AGBL4: variants seen among roughly 807,000 people sequenced by gnomAD.
The protein encoded by AGBL4 is cytosolic carboxypeptidase 6.
AGBL4 carries 58 observed loss-of-function variants against 66.4 expected under a neutral mutation model. That is an observed-to-expected ratio of 0.87 (90% CI 0.71 to 1.09). The LOEUF is 1.09. AGBL4 is among the 50% of genes least tolerant of loss of function. The probability of loss-of-function intolerance (pLI) is 0.00; values close to 1 mark genes in which losing one functional copy is unlikely to be tolerated. For synonymous variants in AGBL4, 234 were observed against 222.9 expected (o/e 1.05, Z -0.44); for missense variants, 579 against 631.0 (o/e 0.92, Z 0.88).
chr1:49,739,656 G>C (rs1018866890), intron 2 of AGBL4, among the ~76,000 whole-genome samples: 1 of 152,098 alleles, frequency 6.6e-6, no homozygotes, highest in Non-Finnish European at 1.5e-5. Flanking sequence ...CAGAGAGAAA[G>C]GTTGGGTTAC....
intron 3 of AGBL4, among the ~76,000 whole-genome samples, chr1:49,657,863 TG>T (rs1184802327): frequency 2.0e-5 from 3 of 152,056 alleles, no homozygotes; most frequent in African/African-American, 7.2e-5. Flanking sequence ...TAATTCAAGA[TG>T]GATTAAAGAC....
At chr1:49,160,382 A>G (rs1569878501) in intron 4 of AGBL4, among the ~76,000 whole-genome samples, 1 of 152,100 alleles carries the variant, frequency 6.6e-6, no homozygotes, top group African/African-American at 2.4e-5. Flanking sequence ...GCCTGGATAT[A>G]ATCAGCAGAG....
intron 3 of AGBL4, among the ~76,000 whole-genome samples, chr1:49,331,134 A>G (rs992585165): frequency 3.9e-5 from 6 of 151,902 alleles, no homozygotes; most frequent in Admixed American, 3.9e-4. Flanking sequence ...GAGTCTCGGC[A>G]GAGCTGCTGC....
At chr1:49,048,883 A>G (rs866924936) in intron 4 of AGBL4, among the ~76,000 whole-genome samples, 2 of 151,974 alleles carry the variant, frequency 1.3e-5, no homozygotes, top group Non-Finnish European at 1.5e-5. Context: ...GTGTGGCTCA[A>G]AAGCCTGTAT....
intron 6 of AGBL4, among the ~76,000 whole-genome samples, chr1:48,861,152 A>T (rs918199979): frequency 2.6e-5 from 4 of 152,204 alleles, no homozygotes; most frequent in Admixed American, 1.3e-4. Context: ...TCTAGACTAG[A>T]CATGGTCAAA....
intron 2 of AGBL4, among the ~76,000 whole-genome samples, chr1:49,811,840 G>C (rs1383463969): frequency 6.6e-6 from 1 of 152,022 alleles, no homozygotes; most frequent in African/African-American, 2.4e-5. Flanking sequence ...GAGAACCAAG[G>C]TCCACAAAAC....
chr1:48,535,596 T>C (rs1184580071), intron 12 of AGBL4, among the ~76,000 whole-genome samples: 1 of 152,228 alleles, frequency 6.6e-6, no homozygotes, highest in East Asian at 1.9e-4. Flanking sequence ...CGTTCTGGCC[T>C]TGTCACTGCC....
chr1:48,571,562 C>T (rs985392312), intron 11 of AGBL4, among the ~76,000 whole-genome samples: 4 of 152,234 alleles, frequency 2.6e-5, no homozygotes, highest in Admixed American at 2.6e-4. Context: ...TGAAGGAATG[C>T]TCTTGAAGCC....
At chr1:49,222,858 T>C (rs1314853397) in intron 4 of AGBL4, among the ~76,000 whole-genome samples, 1 of 152,194 alleles carries the variant, frequency 6.6e-6, no homozygotes, top group East Asian at 1.9e-4. Context: ...ACCCAGAGCA[T>C]AGTTTTTGGC....
At chr1:49,005,268 T>C (rs1325724244) in intron 5 of AGBL4, among the ~76,000 whole-genome samples, 2 of 152,232 alleles carry the variant, frequency 1.3e-5, no homozygotes, top group South Asian at 2.1e-4. Context: ...TCCCTACTTA[T>C]CCATTTTCAT....
chr1:49,600,395 G>A (rs570369286), intron 3 of AGBL4, among the ~76,000 whole-genome samples: 27 of 152,058 alleles, frequency 1.8e-4, no homozygotes, highest in African/African-American at 6.5e-4. Context: ...GATCTTTGTT[G>A]GTTTAAAGTC....
chr1:49,179,741 TAGTA>T lies in AGBL4; in HGVS notation c.377+66025_377+66028del, dbSNP rs775048090. Reference sequence around the variant, plus strand: ...AAGGCATAATGTGATATCTCTGTCTTAGTAAGAGAACAGATGTAGTAGTTATGAA... The same window carrying T: ...AAGGCATAATGTGATATCTCTGTCTTAGAGAACAGATGTAGTAGTTATGAA... On this transcript the variant is annotated intron_variant, in intron 4 of 13. Transcript: ENST00000371839. Among the ~76,000 whole-genome samples the T allele has an allele frequency of 1.2e-4, 19 of 152,114 alleles. No homozygotes were observed. The South Asian group carries it at 1.7e-3, about 13-fold the overall frequency.
intron 6 of AGBL4, among the ~76,000 whole-genome samples, chr1:48,665,081 G>A (rs1646165151): frequency 6.6e-6 from 1 of 152,166 alleles, no homozygotes; most frequent in Admixed American, 6.5e-5. Context: ...GGTTCTAAAG[G>A]CTTGGGACTT....
At chr1:49,388,352 A>G (rs533981141) in intron 3 of AGBL4, among the ~76,000 whole-genome samples, 1 of 152,218 alleles carries the variant, frequency 6.6e-6, no homozygotes, top group Admixed American at 6.5e-5. Context: ...TTGTTGTGTT[A>G]AAATATAACT....
In AGBL4 at chr1:48,725,884, T is replaced by C. The variant is rs112127360; in HGVS notation, c.635-62643A>G. The stretch of plus-strand genomic sequence containing the variant: ...ATTGGCTCTTACAAGCATGATTCCT[T>C]GTTGCATCTACTTCTGATTTCATTC... On this transcript the variant is annotated intron_variant, in intron 6 of 13. Transcript: ENST00000371839. Among the ~76,000 whole-genome samples the C allele has an allele frequency of 6.1e-3, 925 of 152,314 alleles. 13 individuals carry two copies. The highest frequency in any genetic ancestry group is 0.021 in the African/African-American group (884 of 41,568).
chr1:49,390,549 C>A (rs1438752605), intron 3 of AGBL4, among the ~76,000 whole-genome samples: 2 of 152,206 alleles, frequency 1.3e-5, no homozygotes, highest in African/African-American at 2.4e-5. Context: ...CATTGCTTTT[C>A]ACAAGCATAA....
In AGBL4 at chr1:49,615,191, T is replaced by C. The variant is rs143166760; in HGVS notation, c.282+82122A>G. On this transcript the variant is annotated intron_variant, in intron 3 of 13. Coordinates refer to ENST00000371839, the MANE Select transcript of AGBL4 (RefSeq NM_032785.4). ...CTGACAATAAACCTACATAGAAGTT[T>C]GGCTGTATTTCTGTCTTCCAAAGGA... 1.4e-3 allele frequency among the ~76,000 whole-genome samples: 216 copies of C among 152,268 alleles called. 1 individual carries two copies. The highest frequency in any genetic ancestry group is 6.8e-3 in the Middle Eastern group (2 of 294).
intron 2 of AGBL4, among the ~76,000 whole-genome samples, chr1:49,789,982 T>C (rs938051244): frequency 6.6e-6 from 1 of 151,920 alleles, no homozygotes; most frequent in African/African-American, 2.4e-5. Flanking sequence ...CAAAAACAGA[T>C]ATATAGACCA....
At chr1:49,057,956 A>G (rs1027009999) in intron 4 of AGBL4, among the ~76,000 whole-genome samples, 8 of 152,128 alleles carry the variant, frequency 5.3e-5, no homozygotes, top group African/African-American at 1.4e-4. Flanking sequence ...GTGCCCTGAC[A>G]TTTCTAGGTC....
Sources: allele counts gnomAD v4.1 joint callset (sites outside exome capture counted in the v4.1 genomes callset), GRCh38; gene constraint gnomAD v4.1.1; transcripts MANE v1.5; gene names NCBI Gene and HGNC (gene_info 2026-07-23, HGNC 2026-07-21).